FHAD1: variants seen among roughly 807,000 people sequenced by gnomAD.
FHAD1 encodes the protein forkhead-associated domain-containing protein 1.
A neutral mutation model predicts 191.3 loss-of-function variants in FHAD1; 146 were observed. The ratio of observed to expected loss-of-function variants is 0.76; its 90% CI spans 0.67 to 0.88. The LOEUF (loss-of-function observed/expected upper bound fraction) is 0.88. FHAD1 is among the 40% of genes least tolerant of loss of function. The pLI is 0.00. For missense variants in FHAD1, 1,635 were observed against 1,785.8 expected (o/e 0.92, Z 1.52); for synonymous variants, 616 against 672.3 (o/e 0.92, Z 1.29).
intron 15 of FHAD1, among the ~76,000 whole-genome samples, chr1:15,340,297 C>G (rs2102197375): frequency 6.6e-6 from 1 of 152,284 alleles, no homozygotes; most frequent in East Asian, 1.9e-4. Flanking sequence ...ATATAATAAA[C>G]AACCACAAAA....
rs75680107 is a variant in FHAD1, at chr1:15,381,844, C to T, written c.4023-184C>T. ...TTTATCCCCTCCCGCTACACACATT[C>T]GGCTGATGAATGGCTCGTTCTGCTC... On this transcript the variant is annotated intron_variant, in intron 30 of 33. Transcript: ENST00000688493. The surrounding 1 kb of genome is among the most constrained non-coding windows in gnomAD (Gnocchi z 4.6). 4.0e-5 allele frequency among the ~76,000 whole-genome samples: 6 copies of T among 151,694 alleles called. No individual in the cohort carries two copies. The highest frequency in any genetic ancestry group is 2.1e-4 in the South Asian group (1 of 4,800).
intron 4 of FHAD1, among the ~76,000 whole-genome samples, chr1:15,293,698 G>A (rs1463574942): frequency 1.3e-5 from 2 of 151,994 alleles, no homozygotes; most frequent in African/African-American, 2.4e-5. Context: ...AGCCTGGGCG[G>A]ACAGAGCAAG....
intron 10 of FHAD1, among the ~76,000 whole-genome samples, chr1:15,322,853 C>T (rs878925903): frequency 1.1e-4 from 16 of 152,136 alleles, no homozygotes; most frequent in Non-Finnish European, 1.5e-4. Flanking sequence ...GTTTTCACAC[C>T]GCTGTTAAAG....
intron 20 of FHAD1, among the ~76,000 whole-genome samples, chr1:15,357,007 A>C (rs944656088): frequency 5.9e-5 from 9 of 151,604 alleles, no homozygotes; most frequent in Non-Finnish European, 1.0e-4. Flanking sequence ...GTGGTTTCTC[A>C]CTCTTCACTA....
Position 15,289,933 on chromosome 1 carries a change from G to T in FHAD1, c.568+267G>T, listed in dbSNP as rs185935670. Reference sequence around the variant, plus strand: ...ACACACACCAGGGCACCTGCAGTGGGTGTGGCCTCTGTGTGTGTGTACATA... The same window carrying T: ...ACACACACCAGGGCACCTGCAGTGGTTGTGGCCTCTGTGTGTGTGTACATA... On this transcript the variant is annotated intron_variant, in intron 4 of 33. Coordinates refer to ENST00000688493, the MANE Select transcript of FHAD1 (RefSeq NM_001391957.1). The surrounding 1 kb of genome is among the most constrained non-coding windows in gnomAD (Gnocchi z 4.2). Among the ~76,000 whole-genome samples, 102 of 152,300 alleles carry T rather than the reference G, an allele frequency of 6.7e-4. No homozygotes were observed. Among genetic ancestry groups the T allele is most frequent in the African/African-American group, 2.2e-3 (92 of 41,556 alleles).
At chr1:15,358,052 G>A (rs1380094523) in intron 20 of FHAD1, 58 bp from the exon 21 acceptor site, 7 of 1,245,602 alleles carry the variant, frequency 5.6e-6, no homozygotes, top group Non-Finnish European at 7.7e-6. Flanking sequence ...GGATAAGGGG[G>A]CTGGGTAAAT....
At chr1:15,369,248 A>G (rs1289164609) in intron 25 of FHAD1, 122 bp from the exon 26 acceptor site, 2 of 1,180,318 alleles carry the variant, frequency 1.7e-6, no homozygotes, top group East Asian at 5.1e-5. Context: ...GGAACAGGAA[A>G]CAAGTCTCAA....
At chr1:15,270,658 G>C (rs1441300823) in intron 2 of FHAD1, among the ~76,000 whole-genome samples, 1 of 152,146 alleles carries the variant, frequency 6.6e-6, no homozygotes, top group African/African-American at 2.4e-5. Context: ...TTATATAAAA[G>C]CTGGACAGGG....
intron 20 of FHAD1, among the ~76,000 whole-genome samples, chr1:15,356,121 G>C (rs1177456391): frequency 1.3e-5 from 2 of 152,168 alleles, no homozygotes; most frequent in Non-Finnish European, 2.9e-5. Flanking sequence ...CTGTGACACT[G>C]TGCACACTGC....
intron 2 of FHAD1, among the ~76,000 whole-genome samples, chr1:15,252,475 C>T (rs996920718): frequency 2.6e-4 from 39 of 152,272 alleles, no homozygotes; most frequent in African/African-American, 7.9e-4. Context: ...TGACATAGCA[C>T]ACTGGTGGGC....
chr1:15,331,312 GCCTA>G (rs1185481970), intron 14 of FHAD1, among the ~76,000 whole-genome samples: 2 of 151,874 alleles, frequency 1.3e-5, no homozygotes, highest in African/African-American at 4.8e-5. Flanking sequence ...CACAGCGGGG[GCCTA>G]ATACATATCT....
chr1:15,264,030 C>T (rs971695437), intron 2 of FHAD1, among the ~76,000 whole-genome samples: 1 of 152,180 alleles, frequency 6.6e-6, no homozygotes, highest in Admixed American at 6.5e-5. Context: ...TTTGATTACC[C>T]TATCTTTTTA....
upstream of FHAD1, among the ~76,000 whole-genome samples, chr1:15,246,702 T>C (rs1646081879): frequency 6.6e-6 from 1 of 152,064 alleles, no homozygotes; most frequent in African/African-American, 2.4e-5. Context: ...GGCAGCAGGA[T>C]TGTGAGTTTG....
chr1:15,392,478 G>A (rs559953936), intron 33 of FHAD1, among the ~76,000 whole-genome samples: 1 of 152,210 alleles, frequency 6.6e-6, no homozygotes, highest in South Asian at 2.1e-4. Context: ...CTTGCAGTGA[G>A]CCGAGATTGC....
intron 5 of FHAD1, among the ~76,000 whole-genome samples, chr1:15,299,203 AAAAAAAAAAAAAAAGG>A (rs1478032228): frequency 3.4e-5 from 5 of 146,206 alleles, no homozygotes; most frequent in African/African-American, 1.3e-4. Context: ...CTGTCTCAAA[AAAAAAAAAAAAAAAGG>A]AAAAAAAAAA....
intron 3 of FHAD1, among the ~76,000 whole-genome samples, chr1:15,283,374 C>A (rs1233687829): frequency 6.6e-6 from 1 of 152,186 alleles, no homozygotes; most frequent in Non-Finnish European, 1.5e-5. Flanking sequence ...TTCACTAACA[C>A]AGAGCCACAG....
intron 2 of FHAD1, among the ~76,000 whole-genome samples, chr1:15,271,075 C>T (rs1178107217): frequency 1.4e-5 from 2 of 142,468 alleles, no homozygotes; most frequent in Non-Finnish European, 3.0e-5. Flanking sequence ...GGAGGCAGAG[C>T]TTGCAGTGAG....
chr1:15,294,424 C>T (rs1430106789), intron 4 of FHAD1, among the ~76,000 whole-genome samples: 1 of 152,124 alleles, frequency 6.6e-6, no homozygotes, highest in Non-Finnish European at 1.5e-5. Flanking sequence ...GACAGAGGCT[C>T]ACTCTGTAAC....
intron 33 of FHAD1, among the ~76,000 whole-genome samples, chr1:15,396,324 G>GAA (rs559665415): frequency 1.5e-5 from 2 of 132,036 alleles, no homozygotes; most frequent in African/African-American, 2.8e-5. Context: ...CCCATATCAA[G>GAA]AAAAAAAAAA....
Sources: allele counts gnomAD v4.1 joint callset (sites outside exome capture counted in the v4.1 genomes callset), GRCh38; gene constraint gnomAD v4.1.1; non-coding constraint Gnocchi (gnomAD v3.1); transcripts MANE v1.5; gene names NCBI Gene and HGNC (gene_info 2026-07-23, HGNC 2026-07-21).